Variants in TBXT observed in about 807,000 individuals in gnomAD.
TBXT encodes T-box transcription factor T.
A neutral mutation model predicts 41.1 loss-of-function variants in TBXT; 19 were observed. The observed-to-expected ratio is 0.46, with a 90% CI of 0.32 to 0.68. The LOEUF is 0.68. TBXT is among the 30% of genes least tolerant of loss of function. The pLI, the probability that TBXT is intolerant of heterozygous loss-of-function variation, is 0.03. For synonymous variants in TBXT, 213 were observed against 238.9 expected (o/e 0.89, Z 1.00); for missense variants, 536 against 582.0 (o/e 0.92, Z 0.81).
intron 7 of TBXT, 72 bp downstream of exon 7, chr6:166,160,765 G>A (rs1753591652): frequency 1.2e-6 from 2 of 1,604,022 alleles, no homozygotes; most frequent in African/African-American, 1.3e-5. Context: ...AGGGCCTATG[G>A]GAATGGAAAC....
intron 7 of TBXT, among the ~76,000 whole-genome samples, chr6:166,160,543 A>C (rs1241936317): frequency 4.6e-5 from 7 of 152,222 alleles, no homozygotes; most frequent in African/African-American, 1.7e-4. Context: ...TAAGTGGCAG[A>C]ACCAGGATGG....
chr6:166,158,537 G>C lies in TBXT; in HGVS notation c.1089C>G (p.Ser363=). ...SVSNGAVTPG[S]QAAAVSNGLG... is the part of the protein sequence containing the mutation. ...GCCCGTTGGACACGGCTGCTGCCTG[G>C]GAGCCCGGGGTGACGGCGCCGTTGC... is the stretch of plus-strand genomic sequence containing the variant. Residue 363 remains serine (S), a synonymous_variant, in exon 8 of 8, where the codon TCC becomes TCG. Transcript: ENST00000366876. 1 of 1,599,158 alleles carries C rather than the reference G, an allele frequency of 6.3e-7. No individual in the cohort carries two copies. Among genetic ancestry groups the C allele is most frequent in the Non-Finnish European group, 8.6e-7 (1 of 1,169,218 alleles).
rs181394470 is a variant in TBXT, at chr6:166,158,326, G to A, written c.1300C>T (p.Pro434Ser). The change falls in exon 8 of 8, where the codon CCT becomes TCT. Residue 434 changes from proline (P) to serine (S), a missense_variant. Coordinates refer to ENST00000366876, the MANE Select transcript of TBXT (RefSeq NM_001366285.2). ...TGGGCCTTGCTGCTTCACATGGAAG[G>A]TGGCGACACAGGTGTCCATGAGGCT... ...LIASWTPVSP[P>S]SM is the part of the protein sequence containing the mutation. The A allele has an allele frequency of 6.2e-7, 1 of 1,614,260 alleles. No individual in the cohort carries two copies. Among genetic ancestry groups the A allele is most frequent in the East Asian group, 2.2e-5 (1 of 44,894 alleles).
chr6:166,166,985 C>T (rs995394352), intron 1 of TBXT, 129 bp from the exon 2 acceptor site: 3 of 1,477,036 alleles, frequency 2.0e-6, no homozygotes, highest in African/African-American at 1.4e-5. Context: ...CCGAGGGTGA[C>T]TCCCAAGCTC....
chr6:166,167,244 C>G (rs1582971519), intron 1 of TBXT, 142 bp downstream of exon 1: 2 of 972,204 alleles, frequency 2.1e-6, no homozygotes, highest in Non-Finnish European at 3.1e-6. Flanking sequence ...GAAATGCACT[C>G]GAGGGAGTTA....
chr6:166,167,670 G>A lies in TBXT; in HGVS notation c.-79C>T. 1 of 1,521,958 alleles carries A rather than the reference G, an allele frequency of 6.6e-7. No individual in the cohort carries two copies. The highest frequency in any genetic ancestry group is 1.2e-5 in the South Asian group (1 of 83,728). The allele number at this position is 1,521,958 out of a possible 1,614,324, so 94.3% of individuals were successfully genotyped here. A position where few individuals can be genotyped will look rare whatever the true frequency, so the allele number is the denominator to read the frequency against. Reference sequence around the variant, plus strand: ...AGATCCACCTTCCCTGCTCTTGGCCGCCGCCCTTCCGAGAAAAGGGGCCCC... The same window carrying A: ...AGATCCACCTTCCCTGCTCTTGGCCACCGCCCTTCCGAGAAAAGGGGCCCC... On this transcript the variant is annotated 5_prime_UTR_variant, in exon 1 of 8. Coordinates refer to ENST00000366876, the MANE Select transcript of TBXT (RefSeq NM_001366285.2).
At chr6:166,163,721 A>G (rs1390524567) in intron 5 of TBXT, among the ~76,000 whole-genome samples, 2 of 152,204 alleles carry the variant, frequency 1.3e-5, no homozygotes, top group Non-Finnish European at 1.5e-5. Context: ...TTTGATTGAG[A>G]AAAAGCAACC....
At position 166,162,617 on chromosome 6, in the gene TBXT, C is replaced by A. The variant is rs369452447; in HGVS notation, c.737G>T (p.Gly246Val). ...SQQPGYSQSG[G>V]WLLPGTSTLC... is the part of the protein sequence containing the mutation. ...GGTGCTGGTTCCAGGAAGAAGCCAC[C>A]CCCCTGCTGTGAGAAAAGACAGTGC... The change falls in exon 6 of 8, where the codon GGG (glycine) becomes GTG (valine). Residue 246 changes from glycine (G) to valine (V), a missense_variant. Coordinates refer to ENST00000366876, the MANE Select transcript of TBXT (RefSeq NM_001366285.2). 2 of 1,611,430 alleles carry A rather than the reference C, an allele frequency of 1.2e-6. No individual in the cohort carries two copies. The highest frequency in any genetic ancestry group is 1.7e-6 in the Non-Finnish European group (2 of 1,178,712).
At chr6:166,160,384 C>A (rs3127333) in intron 7 of TBXT, among the ~76,000 whole-genome samples, 6 of 152,152 alleles carry the variant, frequency 3.9e-5, no homozygotes, top group African/African-American at 1.4e-4. Flanking sequence ...GAAAAGGTTC[C>A]GAAACGATCT....
Position 166,158,371 on chromosome 6 carries a change from C to T in TBXT, c.1255G>A (p.Ala419Thr), listed in dbSNP as rs766120230. 6.2e-6 allele frequency: 10 copies of T among 1,614,096 alleles called. No homozygotes were observed. The East Asian group carries it at 1.3e-4, about 22-fold the overall frequency. ...TDIVDSQYDA[A>T]AQGRLIASWT... ...GAGGCTATGAGGCGGCCTTGGGCTG[C>T]GGCGTCGTACTGGCTGTCCACGATG... is the stretch of plus-strand genomic sequence containing the variant. Residue 419 changes from alanine (A) to threonine (T), a missense_variant, in exon 8 of 8, where the codon GCA becomes ACA. Coordinates refer to ENST00000366876, the MANE Select transcript of TBXT (RefSeq NM_001366285.2).
chr6:166,167,244 C>A (rs1582971519), intron 1 of TBXT, 142 bp downstream of exon 1: 2 of 972,202 alleles, frequency 2.1e-6, no homozygotes, highest in Admixed American at 4.3e-5. Context: ...GAAATGCACT[C>A]GAGGGAGTTA....
intron 2 of TBXT, among the ~76,000 whole-genome samples, 170 bp downstream of exon 2, chr6:166,166,422 A>T (rs1361089607): frequency 6.6e-6 from 1 of 152,216 alleles, no homozygotes; most frequent in East Asian, 1.9e-4. Context: ...GGATGTTATC[A>T]GCTTAGTATA....
intron 5 of TBXT, among the ~76,000 whole-genome samples, chr6:166,164,354 G>A (rs1235620474): frequency 6.6e-6 from 1 of 152,194 alleles, no homozygotes; most frequent in Non-Finnish European, 1.5e-5. Flanking sequence ...TCCACCCCAG[G>A]CATGGTGGCA....
chr6:166,162,741 G>A (rs9459597), intron 5 of TBXT, 118 bp from the exon 6 acceptor site: 1 of 561,600 alleles, frequency 1.8e-6, no homozygotes. Context: ...CCCAGGCCAG[G>A]GACTCTCCCT....
chr6:166,168,624 C>A (rs1256898501), upstream of TBXT: 2 of 152,294 alleles, frequency 1.3e-5, no homozygotes, highest in Non-Finnish European at 2.9e-5. Context: ...GGGAAATGGA[C>A]GGAAATAAGC....
intron 6 of TBXT, 75 bp downstream of exon 6, chr6:166,162,372 T>C (rs1461322988): frequency 1.2e-5 from 18 of 1,542,614 alleles, no homozygotes; most frequent in Non-Finnish European, 1.5e-5. Flanking sequence ...GATTCTAGAC[T>C]CCTGCAGAAT....
intron 7 of TBXT, 96 bp downstream of exon 7, chr6:166,160,741 G>C: frequency 6.4e-7 from 1 of 1,553,606 alleles, no homozygotes; most frequent in Non-Finnish European, 8.8e-7. Context: ...AGGGACCAAG[G>C]AGAATAAGGA....
In TBXT at chr6:166,160,879, A is replaced by G. The variant is rs748736752; in HGVS notation, c.995T>C (p.Met332Thr). 46 of 1,614,008 alleles carry G rather than the reference A, an allele frequency of 2.9e-5. No homozygotes were observed. The highest frequency in any genetic ancestry group is 3.8e-5 in the Non-Finnish European group (45 of 1,180,030). ...SSLGMPAHPS[M>T]LPVSHNASPP... ...GCTGGCATTGTGGCTCACGGGGAGC[A>G]TGCTGGGATGGGCAGGCATTCCAAG... The change falls in exon 7 of 8, where the codon ATG becomes ACG. Residue 332 changes from methionine to threonine, a missense_variant. By Grantham distance (81) the Met-to-Thr change is moderately conservative (BLOSUM62 -1). Transcript: ENST00000366876.
chr6:166,159,765 A>G (rs913346692), intron 7 of TBXT, among the ~76,000 whole-genome samples: 4 of 152,218 alleles, frequency 2.6e-5, no homozygotes, highest in African/African-American at 9.6e-5. Context: ...TTTTTATGCC[A>G]TTTTACAAAT....
Sources: allele counts gnomAD v4.1 joint callset (sites outside exome capture counted in the v4.1 genomes callset), GRCh38; gene constraint gnomAD v4.1.1; transcripts MANE v1.5; gene names NCBI Gene and HGNC (gene_info 2026-07-23, HGNC 2026-07-21).